MAF: variants seen among roughly 807,000 people sequenced by gnomAD.
The protein encoded by MAF is MAF bZIP transcription factor.
MAF carries 10 observed loss-of-function variants against 22.0 expected under a neutral mutation model. That is an observed-to-expected ratio of 0.45 (90% CI 0.28 to 0.77). The LOEUF is 0.77. MAF is among the 30% of genes least tolerant of loss of function. The pLI is 0.12. For synonymous variants in MAF, 337 were observed against 255.8 expected (o/e 1.32, Z -3.03); for missense variants, 544 against 548.4 (o/e 0.99, Z 0.08).
chr16:79,502,333 C>T, the MAF span, among the ~76,000 whole-genome samples: 1 of 152,088 alleles, frequency 6.6e-6, no homozygotes. Context: ...TTCTGTTTTA[C>T]CGAACTCTTA....
At chr16:79,296,973 T>C in the MAF span, among the ~76,000 whole-genome samples, 1 of 152,256 alleles carries the variant, frequency 6.6e-6, no homozygotes, top group Non-Finnish European at 1.5e-5. Flanking sequence ...GGAATAAATT[T>C]GTTCCTCAAT....
the MAF span, among the ~76,000 whole-genome samples, chr16:79,492,634 T>C: frequency 3.2e-4 from 48 of 151,970 alleles, no homozygotes; most frequent in Non-Finnish European, 5.9e-4. Flanking sequence ...ACAATGTCCA[T>C]CAATCATGAA....
chr16:79,297,398 A>C, the MAF span, among the ~76,000 whole-genome samples: 1 of 152,198 alleles, frequency 6.6e-6, no homozygotes, highest in Non-Finnish European at 1.5e-5. Flanking sequence ...GCTTGATGCT[A>C]TGAAAACAGG....
the MAF span, among the ~76,000 whole-genome samples, chr16:79,414,725 G>A: frequency 6.6e-6 from 1 of 152,202 alleles, no homozygotes; most frequent in South Asian, 2.1e-4. Flanking sequence ...ATGCAGCTGG[G>A]AGCCAAGATC....
the MAF span, among the ~76,000 whole-genome samples, chr16:79,321,417 T>C: frequency 3.9e-5 from 6 of 152,246 alleles, no homozygotes; most frequent in South Asian, 1.2e-3. Context: ...CTGCATTTTA[T>C]CCAGAGGAAG....
At chr16:79,273,254 C>G in the MAF span, among the ~76,000 whole-genome samples, 10 of 152,170 alleles carry the variant, frequency 6.6e-5, no homozygotes, top group African/African-American at 2.4e-4. Flanking sequence ...CCAGCTTCTG[C>G]AGTGGTCAGA....
At chr16:79,587,190 C>A (rs752167054) in intron 1 of MAF, among the ~76,000 whole-genome samples, 1 of 152,098 alleles carries the variant, frequency 6.6e-6, no homozygotes, top group Non-Finnish European at 1.5e-5. Flanking sequence ...ACGTTATATG[C>A]GTTTATTCAC....
downstream of MAF, among the ~76,000 whole-genome samples, chr16:79,591,576 T>C (rs1430753320): frequency 1.3e-5 from 2 of 152,224 alleles, no homozygotes; most frequent in Admixed American, 6.5e-5. Flanking sequence ...TAAGGAACTG[T>C]GCATTCCAGT....
chr16:79,365,341 G>A, the MAF span, among the ~76,000 whole-genome samples: 1 of 152,196 alleles, frequency 6.6e-6, no homozygotes, highest in African/African-American at 2.4e-5. Context: ...TTCTATGTGT[G>A]TGTTTACCAG....
At chr16:79,592,891 C>T (rs1353216428), downstream of MAF, among the ~76,000 whole-genome samples, 5 of 152,184 alleles carry the variant, frequency 3.3e-5, no homozygotes, top group East Asian at 7.7e-4. Flanking sequence ...CCTTGCAAAT[C>T]AGCAAAGTGA....
chr16:79,430,356 C>G, the MAF span, among the ~76,000 whole-genome samples: 1 of 152,198 alleles, frequency 6.6e-6, no homozygotes, highest in African/African-American at 2.4e-5. Context: ...AGGGTCTTCC[C>G]GTCAAGACAA....
At chr16:79,212,825 GTTTGTGTTTTGTT>G in the MAF span, 3 of 152,192 alleles carry the variant, frequency 2.0e-5, 1 homozygote, top group East Asian at 3.9e-4. Flanking sequence ...CTCTGAGTGA[GTTTGTGTTTTGTT>G]TTTGTGCTTT....
chr16:79,561,898 C>G, the MAF span, among the ~76,000 whole-genome samples: 2 of 152,090 alleles, frequency 1.3e-5, no homozygotes, highest in African/African-American at 4.8e-5. Context: ...TTGTTGAGCA[C>G]CTGAAGTATT....
chr16:79,243,604 C>A, the MAF span, among the ~76,000 whole-genome samples: 1 of 151,892 alleles, frequency 6.6e-6, no homozygotes. Context: ...AGTCTAGGAC[C>A]AGAGGGATTC....
At chr16:79,464,369 C>A in the MAF span, among the ~76,000 whole-genome samples, 1 of 152,088 alleles carries the variant, frequency 6.6e-6, no homozygotes, top group African/African-American at 2.4e-5. Flanking sequence ...CTCTAGCCCA[C>A]CACAGTAGCC....
chr16:79,434,066 A>G, the MAF span, among the ~76,000 whole-genome samples: 2 of 152,182 alleles, frequency 1.3e-5, no homozygotes, highest in African/African-American at 4.8e-5. Context: ...GCATAGGTGA[A>G]GACTAGAGTC....
At chr16:79,259,318 A>G in the MAF span, among the ~76,000 whole-genome samples, 1 of 151,632 alleles carries the variant, frequency 6.6e-6, no homozygotes, top group African/African-American at 2.4e-5. Context: ...CCTCCTCCCC[A>G]CTCACCAGCC....
At chr16:79,351,844 C>T in the MAF span, among the ~76,000 whole-genome samples, 21 of 152,262 alleles carry the variant, frequency 1.4e-4, no homozygotes, top group Admixed American at 8.5e-4. Flanking sequence ...AATGTGGCAG[C>T]TTCACCATGG....
At chr16:79,590,214 G>T (rs571988806), downstream of MAF, among the ~76,000 whole-genome samples, 221 of 152,228 alleles carry the variant, frequency 1.5e-3, 2 homozygotes, top group East Asian at 3.5e-3. Context: ...GCGGAGGGGG[G>T]GATGATGGGG....
Sources: gnomAD v4.1 joint callset for allele counts (sites outside exome capture counted in the v4.1 genomes callset) on GRCh38, gnomAD v4.1.1 for gene constraint, MANE v1.5 for transcripts, NCBI Gene and HGNC (gene_info 2026-07-23, HGNC 2026-07-21) for gene names.